Variants in SNX19 observed in about 807,000 individuals in gnomAD.
SNX19 encodes sorting nexin-19.
Under a neutral mutation model 85.2 loss-of-function variants are expected in SNX19, and 60 were observed. That is an observed-to-expected ratio of 0.70 (90% CI 0.57 to 0.87). SNX19 has a LOEUF of 0.87. Ranked by LOEUF, SNX19 falls within the 40% of genes least tolerant of loss-of-function variation. The pLI is 0.00. For missense variants in SNX19, 1,201 were observed against 1,217.8 expected, an observed-to-expected ratio of 0.99 and a Z score of 0.21; for synonymous variants, 520 against 470.0, an observed-to-expected ratio of 1.11 and a Z score of -1.38.
chr11:130,906,050 G>T lies in SNX19; in HGVS notation c.2346C>A (p.Ala782=). 1.2e-6 allele frequency: 2 copies of T among 1,614,166 alleles called. No homozygotes were observed. The highest frequency in any genetic ancestry group is 2.7e-5 in the African/African-American group (2 of 75,030). ...TKLLEMQPTK[A]PEKDPEQPPK... is the part of the protein sequence containing the mutation. ...GAGGTTGTTCAGGATCTTTTTCTGGGGCTTTTGTTGGCTGCATTTCCAGTA... is the reference window on the plus strand; with the variant it reads ...GAGGTTGTTCAGGATCTTTTTCTGGTGCTTTTGTTGGCTGCATTTCCAGTA... Residue 782 remains alanine, a synonymous_variant, in exon 7 of 11, where the codon GCC becomes GCA. Transcript: ENST00000265909.
intron 2 of SNX19, chr11:130,911,346 A>G: frequency 1.3e-6 from 1 of 763,756 alleles, no homozygotes; most frequent in Non-Finnish European, 1.7e-6. Context: ...AGTTAATTTA[A>G]CTCCTCACAC....
At chr11:130,891,800 AT>A (rs1944514755) in intron 8 of SNX19, among the ~76,000 whole-genome samples, 1 of 150,780 alleles carries the variant, frequency 6.6e-6, no homozygotes, top group African/African-American at 2.4e-5. Flanking sequence ...CAATTTCTAT[AT>A]TTGAGTATTG....
intron 8 of SNX19, chr11:130,893,191 G>T (rs1323455454): frequency 2.0e-5 from 3 of 152,510 alleles, no homozygotes; most frequent in Non-Finnish European, 4.4e-5. Context: ...GGTTGCAGGA[G>T]GCAGAAGTGA....
chr11:130,877,877 C>T lies in SNX19; in HGVS notation c.*545G>A, dbSNP rs1361448582. ...GTTCCTTGAAAAATTTTCTTCCCTC[C>T]TTCTTCTTCTGGAACTGTTGGGAAA... On this transcript the variant is annotated 3_prime_UTR_variant, in exon 11 of 11. Transcript: ENST00000265909. The T allele has an allele frequency of 6.6e-6, 1 of 152,394 alleles. No individual in the cohort carries two copies. The highest frequency in any genetic ancestry group is 2.4e-5 in the African/African-American group (1 of 41,438). The allele number at this position is 152,394 out of a possible 1,614,324, so 9.4% of individuals were successfully genotyped here.
chr11:130,887,725 G>A (rs536413300), intron 8 of SNX19, among the ~76,000 whole-genome samples: 1 of 152,208 alleles, frequency 6.6e-6, no homozygotes, highest in East Asian at 1.9e-4. Flanking sequence ...ACAACATTTT[G>A]CATTTTTAAA....
Position 130,916,140 on chromosome 11 carries a change from C to A in SNX19, c.-201G>T. 1.7e-6 allele frequency: 1 copy of A among 590,428 alleles called. No homozygotes were observed. The highest frequency in any genetic ancestry group is 2.8e-5 in the East Asian group (1 of 35,626). The allele number at this position is 590,428 out of a possible 1,614,324, so 36.6% of individuals were successfully genotyped here. ...CGCGTCTCCCCATGGCTACCACTAA[C>A]AGAGCCCTCCAACTCGCCCCTTCCA... On this transcript the variant is annotated 5_prime_UTR_variant, in exon 1 of 11. Coordinates refer to ENST00000265909, the MANE Select transcript of SNX19 (RefSeq NM_014758.3).
intron 8 of SNX19, among the ~76,000 whole-genome samples, chr11:130,893,566 A>G (rs1944654291): frequency 6.6e-6 from 1 of 152,126 alleles, no homozygotes; most frequent in South Asian, 2.1e-4. Flanking sequence ...GAAATGTAAA[A>G]CCTTTCCAAG....
intron 9 of SNX19, 152 bp downstream of exon 9, chr11:130,880,470 C>T (rs1943575777): frequency 1.5e-6 from 1 of 670,070 alleles, no homozygotes; most frequent in Non-Finnish European, 2.4e-6. Flanking sequence ...GTTCATTTTC[C>T]TATTAGCCTG....
intron 1 of SNX19, among the ~76,000 whole-genome samples, chr11:130,912,057 T>C (rs959497823): frequency 6.6e-6 from 1 of 151,830 alleles, no homozygotes; most frequent in Non-Finnish European, 1.5e-5. Flanking sequence ...AAATGAATAT[T>C]TGAATAGAAG....
intron 5 of SNX19, among the ~76,000 whole-genome samples, chr11:130,907,373 C>T (rs138523741): frequency 1.2e-3 from 178 of 152,058 alleles, no homozygotes; most frequent in Admixed American, 2.3e-3. Context: ...TCATAAGGAC[C>T]CAGATATAGA....
intron 1 of SNX19, among the ~76,000 whole-genome samples, chr11:130,912,460 G>A (rs75963162): frequency 0.013 from 1,941 of 152,270 alleles, 36 homozygotes; most frequent in African/African-American, 0.043. Flanking sequence ...TGAATACCAC[G>A]GATGGCATGG....
rs764479531 is a variant in SNX19 at position 130,915,954 on chromosome 11, G to C, written c.-15C>G. ...TCTGTCTTCATGGCTGAACGGACAAGGTGGCTTCCCCAGATGACAGCCCTC... is the reference window on the plus strand; with the variant it reads ...TCTGTCTTCATGGCTGAACGGACAACGTGGCTTCCCCAGATGACAGCCCTC... On this transcript the variant is annotated 5_prime_UTR_variant, in exon 1 of 11. Coordinates refer to ENST00000265909, the MANE Select transcript of SNX19 (RefSeq NM_014758.3). 2.5e-6 allele frequency: 4 copies of C among 1,607,574 alleles called. No homozygotes were observed. The highest frequency in any genetic ancestry group is 2.7e-5 in the African/African-American group (2 of 74,750).
chr11:130,915,670 T>A lies in SNX19; in HGVS notation c.270A>T (p.Pro90=), dbSNP rs1367356584. ...CCAGCTGCCTTTCTGCCTCAGGGCA[T>A]GGAGGACAGGTGGCCAACGGGATGA... is the stretch of plus-strand genomic sequence containing the variant. ...ERFIPLATCP[P]CPEAERQLER... The change falls in exon 1 of 11, where the codon CCA becomes CCT. Residue 90 remains proline (P), a synonymous_variant. Transcript: ENST00000265909. 1 of 1,614,238 alleles carries A rather than the reference T, an allele frequency of 6.2e-7. No individual in the cohort carries two copies. Among genetic ancestry groups the A allele is most frequent in the Non-Finnish European group, 8.5e-7 (1 of 1,180,052 alleles).
intron 8 of SNX19, among the ~76,000 whole-genome samples, chr11:130,882,358 C>A (rs1943741273): frequency 6.6e-6 from 1 of 152,190 alleles, no homozygotes; most frequent in Non-Finnish European, 1.5e-5. Flanking sequence ...GTCACTCATC[C>A]AAGAGCAGAG....
intron 8 of SNX19, among the ~76,000 whole-genome samples, chr11:130,892,529 C>T (rs1944568154): frequency 6.6e-6 from 1 of 152,236 alleles, no homozygotes; most frequent in African/African-American, 2.4e-5. Context: ...GTTCAGCGAA[C>T]TAATGATGGC....
intron 9 of SNX19, 27 bp from the exon 10 acceptor site, chr11:130,879,738 T>G: frequency 6.2e-7 from 1 of 1,603,142 alleles, no homozygotes; most frequent in Non-Finnish European, 8.5e-7. Flanking sequence ...AGATGGAATT[T>G]GCGTGTTATC....
rs1298271576 is a variant in SNX19, at chr11:130,877,358, T to G, written c.*1064A>C. 2.6e-5 allele frequency: 4 copies of G among 152,238 alleles called. No homozygotes were observed. The highest frequency in any genetic ancestry group is 5.9e-5 in the Non-Finnish European group (4 of 68,044). 9.4% of individuals were successfully genotyped at this position (152,238 alleles called of 1,614,324 possible). A position where few individuals can be genotyped will look rare whatever the true frequency, so the allele number is the denominator to read the frequency against. On this transcript the variant is annotated 3_prime_UTR_variant, in exon 11 of 11. Transcript: ENST00000265909. Reference sequence around the variant, plus strand: ...AAACACCTTTGCCTTCATGCTGGTGTTGTTAAAGGACTGATTATAACCGTA... The same window carrying G: ...AAACACCTTTGCCTTCATGCTGGTGGTGTTAAAGGACTGATTATAACCGTA...
intron 7 of SNX19, among the ~76,000 whole-genome samples, chr11:130,904,615 G>A (rs1321132098): frequency 6.6e-6 from 1 of 150,826 alleles, no homozygotes; most frequent in Non-Finnish European, 1.5e-5. Context: ...CCACCATGTG[G>A]TAACAATTAG....
At chr11:130,906,547 A>T (rs1945685589) in intron 6 of SNX19, 78 bp downstream of exon 6, 1 of 1,001,724 alleles carries the variant, frequency 1.0e-6, no homozygotes, top group Non-Finnish European at 1.6e-6. Flanking sequence ...GACTTCAGAG[A>T]ATATCTCAAC....
Sources: allele counts gnomAD v4.1 joint callset (sites outside exome capture counted in the v4.1 genomes callset), GRCh38; gene constraint gnomAD v4.1.1; transcripts MANE v1.5; gene names NCBI Gene and HGNC (gene_info 2026-07-23, HGNC 2026-07-21).